The following ITPR1 variants were observed in gnomAD, a reference collection of about 807,000 sequenced individuals.
ITPR1 encodes the protein inositol 1,4,5-trisphosphate receptor type 1, also known as inositol 1,4,5-trisphosphate-gated calcium channel ITPR1.
ITPR1 carries 96 observed loss-of-function variants against 318.4 expected under a neutral mutation model. The observed-to-expected ratio is 0.30, with a 90% CI of 0.26 to 0.36. ITPR1 has a LOEUF of 0.36. Ranked by LOEUF, ITPR1 falls within the 10% of genes least tolerant of loss-of-function variation. The pLI, the probability that ITPR1 is intolerant of heterozygous loss-of-function variation, is 1.00. For missense variants in ITPR1, 2,440 were observed against 3,460.2 expected (o/e 0.71, Z 7.40); for synonymous variants, 1,312 against 1,289.9 (o/e 1.02, Z -0.37).
At position 4,708,788 on chromosome 3, in the gene ITPR1, A is replaced by G. The variant is rs367633444; in HGVS notation, c.4843-1537A>G. Among the ~76,000 whole-genome samples the G allele has an allele frequency of 2.0e-5, 3 of 152,316 alleles. No homozygotes were observed. In the East Asian group the frequency reaches 5.8e-4, roughly 29 times the overall value. On this transcript the variant is annotated intron_variant, in intron 37 of 61. Coordinates refer to ENST00000649015, the MANE Select transcript of ITPR1 (RefSeq NM_001378452.1). Reference sequence around the variant, plus strand: ...ACTGTCTGAGTTTTTGTGGTTGATGAGATTGCCTAGTGCAGCAAAAGTTGT... The same window carrying G: ...ACTGTCTGAGTTTTTGTGGTTGATGGGATTGCCTAGTGCAGCAAAAGTTGT...
chr3:4,581,687 TA>T (rs1409986666), intron 4 of ITPR1, among the ~76,000 whole-genome samples: 2 of 152,190 alleles, frequency 1.3e-5, no homozygotes, highest in African/African-American at 4.8e-5. Context: ...AAAATGACTG[TA>T]GGGGGAACCG....
intron 42 of ITPR1, among the ~76,000 whole-genome samples, chr3:4,730,599 TTCCTGGCGTCCACGTGC>T (rs1340534228): frequency 6.6e-6 from 1 of 152,104 alleles, no homozygotes; most frequent in Non-Finnish European, 1.5e-5. Flanking sequence ...GGAGTTCCTG[TTCCTGGCGTCCACGTGC>T]TCCTTTCATT....
At chr3:4,750,117 G>A (rs1210998143) in intron 44 of ITPR1, 1 of 152,588 alleles carries the variant, frequency 6.6e-6, no homozygotes, top group Non-Finnish European at 1.5e-5. Flanking sequence ...GAAAACCCAA[G>A]ATGCCATTTT....
At chr3:4,835,238 A>G (rs1479671485) in intron 60 of ITPR1, among the ~76,000 whole-genome samples, 1 of 152,082 alleles carries the variant, frequency 6.6e-6, no homozygotes, top group East Asian at 1.9e-4. Flanking sequence ...AGATGGCCCT[A>G]GGTCAAGATA....
chr3:4,678,908 G>A (rs1265573552), intron 24 of ITPR1, among the ~76,000 whole-genome samples: 1 of 152,186 alleles, frequency 6.6e-6, no homozygotes, highest in Admixed American at 6.5e-5. Flanking sequence ...AAGCCACACT[G>A]CACAGAGCTT....
chr3:4,815,285 G>T (rs2049215921), intron 59 of ITPR1, 67 bp downstream of exon 59: 3 of 1,520,222 alleles, frequency 2.0e-6, no homozygotes, highest in Admixed American at 1.9e-5. Context: ...TGTGGATACT[G>T]CGAGGGTGTG....
intron 33 of ITPR1, among the ~76,000 whole-genome samples, chr3:4,694,840 G>A (rs2094533180): frequency 6.6e-6 from 1 of 152,202 alleles, no homozygotes; most frequent in Non-Finnish European, 1.5e-5. Flanking sequence ...AGACTGTAAC[G>A]GGGTAAACCA....
chr3:4,701,474 C>T (rs372974773), intron 35 of ITPR1, among the ~76,000 whole-genome samples: 16 of 152,266 alleles, frequency 1.1e-4, no homozygotes, highest in Middle Eastern at 3.4e-3. Context: ...GCCAGTTTCC[C>T]GGGCTGCCTC....
At chr3:4,820,912 C>T (rs1473858156) in intron 60 of ITPR1, among the ~76,000 whole-genome samples, 1 of 152,164 alleles carries the variant, frequency 6.6e-6, no homozygotes, top group Non-Finnish European at 1.5e-5. Flanking sequence ...GGGCTGGGGC[C>T]CCATGGGACC....
chr3:4,790,823 A>T (rs1000199568), intron 52 of ITPR1, among the ~76,000 whole-genome samples: 1 of 152,240 alleles, frequency 6.6e-6, no homozygotes, highest in Admixed American at 6.5e-5. Context: ...TCTGAGCTTC[A>T]TAAACTCTCT....
chr3:4,520,948 G>A, intron 3 of ITPR1, 76 bp from the exon 4 acceptor site: 1 of 1,079,458 alleles, frequency 9.3e-7, no homozygotes, highest in Non-Finnish European at 1.4e-6. Context: ...AAAGCCCTGG[G>A]ATATCTGATT....
At chr3:4,679,331 C>T (rs563399082) in intron 24 of ITPR1, among the ~76,000 whole-genome samples, 10 of 152,308 alleles carry the variant, frequency 6.6e-5, no homozygotes, top group Admixed American at 1.3e-4. Flanking sequence ...CACGCAGTTA[C>T]GGAGGCCGAG....
intron 2 of ITPR1, among the ~76,000 whole-genome samples, chr3:4,505,235 C>G (rs2081317013): frequency 6.6e-6 from 1 of 152,150 alleles, no homozygotes; most frequent in African/African-American, 2.4e-5. Flanking sequence ...ATCTGTCGCC[C>G]AGGCTGGAGT....
In ITPR1 at chr3:4,675,050, T is replaced by C; in HGVS notation, c.2599-18T>C. 1 of 1,409,038 alleles carries C rather than the reference T, an allele frequency of 7.1e-7. No homozygotes were observed. The highest frequency in any genetic ancestry group is 1.0e-6 in the Non-Finnish European group (1 of 1,000,812). The allele number at this position is 1,409,038 out of a possible 1,614,324, so 87.3% of individuals were successfully genotyped here. A position where few individuals can be genotyped will look rare whatever the true frequency, so the allele number is the denominator to read the frequency against. ...AGTTTATGTAATACCGTCTTCTTCT[T>C]TTATTTTAATACAATAGGTTGTAAA... On this transcript the variant is annotated intron_variant, in intron 22 of 61. Coordinates refer to ENST00000649015, the MANE Select transcript of ITPR1 (RefSeq NM_001378452.1).
intron 2 of ITPR1, among the ~76,000 whole-genome samples, chr3:4,506,343 G>A (rs2081390404): frequency 6.6e-6 from 1 of 152,104 alleles, no homozygotes; most frequent in Non-Finnish European, 1.5e-5. Context: ...TCTGCTTTAT[G>A]GCCTTTGTAC....
intron 4 of ITPR1, among the ~76,000 whole-genome samples, chr3:4,594,520 C>T (rs376651658): frequency 1.3e-5 from 2 of 152,118 alleles, no homozygotes; most frequent in African/African-American, 4.8e-5. Context: ...AGCCAAATCC[C>T]TTGTCTCTAC....
chr3:4,744,946 TTCCC>T (rs200949945), intron 44 of ITPR1, among the ~76,000 whole-genome samples: 9,562 of 82,452 alleles, frequency 0.12, 454 homozygotes, highest in Non-Finnish European at 0.13. Context: ...CCTTCCTTCC[TTCCC>T]TCCCTCCCTC....
rs1356754868 is a variant in ITPR1, at chr3:4,494,485, C to T, written c.-38C>T. On this transcript the variant is annotated 5_prime_UTR_variant, in exon 2 of 62. Coordinates refer to ENST00000649015, the MANE Select transcript of ITPR1 (RefSeq NM_001378452.1). ...CCCCTCGCTGGGCTTGCTTTGGCAA[C>T]AGAGTGCCTGACCCAGGTCAGGTGA... 1 of 152,290 alleles carries T rather than the reference C, an allele frequency of 6.6e-6. No homozygotes were observed. The highest frequency in any genetic ancestry group is 2.4e-5 in the African/African-American group (1 of 41,462). The allele number at this position is 152,290 out of a possible 1,614,324, so 9.4% of individuals were successfully genotyped here. A position where few individuals can be genotyped will look rare whatever the true frequency, so the allele number is the denominator to read the frequency against.
At chr3:4,684,487 G>C (rs905942347) in intron 29 of ITPR1, 141 bp downstream of exon 29, 2 of 644,356 alleles carry the variant, frequency 3.1e-6, no homozygotes, top group Non-Finnish European at 5.5e-6. Flanking sequence ...GAGCTCAGAG[G>C]TTAAGCTCAT....
Sources: gnomAD v4.1 joint callset for allele counts (sites outside exome capture counted in the v4.1 genomes callset) on GRCh38, gnomAD v4.1.1 for gene constraint, MANE v1.5 for transcripts, NCBI Gene and HGNC (gene_info 2026-07-23, HGNC 2026-07-21) for gene names.